ARHGEF26: variants seen among roughly 807,000 people sequenced by gnomAD.
The protein encoded by ARHGEF26 is Rho guanine nucleotide exchange factor 26.
A neutral mutation model predicts 89.4 loss-of-function variants in ARHGEF26; 59 were observed. The ratio of observed to expected loss-of-function variants is 0.66; its 90% CI spans 0.54 to 0.82. The LOEUF is 0.82. Ranked by LOEUF, ARHGEF26 falls within the 40% of genes least tolerant of loss-of-function variation. The pLI, the probability that ARHGEF26 is intolerant of heterozygous loss-of-function variation, is 0.00. For synonymous variants in ARHGEF26, 500 were observed against 428.4 expected (o/e 1.17, Z -2.06); for missense variants, 1,234 against 1,085.6 (o/e 1.14, Z -1.92).
intron 6 of ARHGEF26, among the ~76,000 whole-genome samples, chr3:154,157,552 C>A (rs1161441635): frequency 6.6e-6 from 1 of 151,970 alleles, no homozygotes; most frequent in Non-Finnish European, 1.5e-5. Flanking sequence ...TTTGTCTTAG[C>A]AGAGAGGTGA....
At chr3:154,226,558 C>A (rs574252918) in intron 11 of ARHGEF26, among the ~76,000 whole-genome samples, 21 of 152,190 alleles carry the variant, frequency 1.4e-4, no homozygotes, top group Admixed American at 5.2e-4. Context: ...TTACTCCAGG[C>A]TTCTAGTTCT....
At chr3:154,236,715 G>C (rs1717151398) in intron 11 of ARHGEF26, among the ~76,000 whole-genome samples, 4 of 152,144 alleles carry the variant, frequency 2.6e-5, no homozygotes, top group Admixed American at 2.0e-4. Flanking sequence ...GCTGCACCTG[G>C]CTATAGAGTT....
At chr3:154,220,253 A>T (rs1428781513) in intron 10 of ARHGEF26, among the ~76,000 whole-genome samples, 3 of 152,210 alleles carry the variant, frequency 2.0e-5, no homozygotes, top group Non-Finnish European at 4.4e-5. Context: ...AGCATCTTCC[A>T]TGTGGAAGGC....
At chr3:154,134,009 A>G (rs537271556) in intron 4 of ARHGEF26, among the ~76,000 whole-genome samples, 13 of 152,216 alleles carry the variant, frequency 8.5e-5, no homozygotes, top group African/African-American at 2.9e-4. Flanking sequence ...TTGTTGGTGT[A>G]TAGAAATGCT....
chr3:154,187,617 A>G (rs1349647726), intron 6 of ARHGEF26, 68 bp from the exon 7 acceptor site: 1 of 1,345,252 alleles, frequency 7.4e-7, no homozygotes, highest in Non-Finnish European at 1.0e-6. Context: ...ACATTACATG[A>G]GGCTAATCTG....
chr3:154,213,935 A>T (rs1715564714), intron 9 of ARHGEF26, among the ~76,000 whole-genome samples: 2 of 152,210 alleles, frequency 1.3e-5, no homozygotes, highest in African/African-American at 4.8e-5. Context: ...CAGAAATTTT[A>T]TAGTCTGTGC....
chr3:154,189,217 C>G (rs1713786683), intron 7 of ARHGEF26, among the ~76,000 whole-genome samples: 1 of 152,068 alleles, frequency 6.6e-6, no homozygotes, highest in Admixed American at 6.5e-5. Flanking sequence ...TCACTAGGTA[C>G]TGCTATACAT....
chr3:154,171,281 C>G (rs1272771378), intron 6 of ARHGEF26, among the ~76,000 whole-genome samples: 1 of 152,078 alleles, frequency 6.6e-6, no homozygotes. Context: ...TGATGCTGCT[C>G]CCACCCCACA....
At chr3:154,248,831 T>G (rs1167257820) in intron 12 of ARHGEF26, among the ~76,000 whole-genome samples, 2 of 152,222 alleles carry the variant, frequency 1.3e-5, no homozygotes, top group Non-Finnish European at 2.9e-5. Flanking sequence ...TTTGGCAAAT[T>G]GAACTGATAT....
intron 4 of ARHGEF26, among the ~76,000 whole-genome samples, chr3:154,135,289 C>T (rs1338505456): frequency 2.0e-5 from 3 of 152,030 alleles, no homozygotes; most frequent in Admixed American, 6.6e-5. Context: ...TTGATTTCTC[C>T]CTAGTTCAGT....
intron 3 of ARHGEF26, among the ~76,000 whole-genome samples, chr3:154,126,222 G>C (rs950030895): frequency 6.6e-6 from 1 of 152,184 alleles, no homozygotes; most frequent in African/African-American, 2.4e-5. Context: ...AGTGCATACA[G>C]AATATTCTGT....
chr3:154,228,071 A>G lies in ARHGEF26; in HGVS notation c.2090+2061A>G, dbSNP rs372594393. ...TTGCTCTCCTAGCTATCCCACATTT[A>G]TTTGCTCAGGTAAATTTGAACTTGT... is the stretch of plus-strand genomic sequence containing the variant. On this transcript the variant is annotated intron_variant, in intron 11 of 14. Coordinates refer to ENST00000465093, the MANE Select transcript of ARHGEF26 (RefSeq NM_015595.4). Among the ~76,000 whole-genome samples the G allele has an allele frequency of 1.2e-4, 18 of 151,402 alleles. 2 individuals carry two copies. The highest frequency in any genetic ancestry group is 2.0e-4 in the Admixed American group (3 of 15,224).
intron 6 of ARHGEF26, among the ~76,000 whole-genome samples, chr3:154,168,349 G>GA (rs1459171453): frequency 6.6e-5 from 10 of 152,028 alleles, no homozygotes; most frequent in Non-Finnish European, 1.3e-4. Context: ...GGTGGGGGTG[G>GA]GTGGATTGCT....
At chr3:154,190,354 C>T (rs531132166) in intron 7 of ARHGEF26, among the ~76,000 whole-genome samples, 1 of 152,188 alleles carries the variant, frequency 6.6e-6, no homozygotes, top group African/African-American at 2.4e-5. Flanking sequence ...ACTAAAGATA[C>T]AAAAATTAGC....
chr3:154,213,216 A>AGAGT (rs1553747872), intron 9 of ARHGEF26, among the ~76,000 whole-genome samples: 3,179 of 141,896 alleles, frequency 0.022, 56 homozygotes, highest in South Asian at 0.05. Flanking sequence ...AGAGAGAGAG[A>AGAGT]GTGTGTGTGT....
intron 10 of ARHGEF26, among the ~76,000 whole-genome samples, chr3:154,219,936 C>A (rs2596628): frequency 1.2e-3 from 15 of 13,020 alleles, no homozygotes; most frequent in Middle Eastern, 0.042. Flanking sequence ...AAACAAAAAA[C>A]AAACAAAAAA....
chr3:154,155,044 A>C (rs1527802), intron 6 of ARHGEF26, among the ~76,000 whole-genome samples: 5 of 151,832 alleles, frequency 3.3e-5, no homozygotes, highest in Non-Finnish European at 7.4e-5. Context: ...GAATAGATGA[A>C]TGCTTGCTTC....
At chr3:154,144,083 C>G (rs1719549902) in intron 4 of ARHGEF26, among the ~76,000 whole-genome samples, 1 of 152,164 alleles carries the variant, frequency 6.6e-6, no homozygotes, top group South Asian at 2.1e-4. Flanking sequence ...TTAGCTTTCA[C>G]TGCAGCAGAA....
At chr3:154,171,985 C>T (rs1315297059) in intron 6 of ARHGEF26, among the ~76,000 whole-genome samples, 1 of 152,012 alleles carries the variant, frequency 6.6e-6, no homozygotes, top group Non-Finnish European at 1.5e-5. Flanking sequence ...TCTTCTTCTT[C>T]CATATTTATA....
Sources: allele counts gnomAD v4.1 joint callset (sites outside exome capture counted in the v4.1 genomes callset), GRCh38; gene constraint gnomAD v4.1.1; transcripts MANE v1.5; gene names NCBI Gene and HGNC (gene_info 2026-07-23, HGNC 2026-07-21).